Variants in EML6 observed in about 807,000 individuals in gnomAD.
The protein encoded by EML6 is EMAP like 6.
In EML6, 154 loss-of-function variants were observed where a neutral mutation model predicts 240.1. The observed-to-expected ratio is 0.64, with a 90% CI of 0.56 to 0.73. The LOEUF (loss-of-function observed/expected upper bound fraction) is 0.73, where lower values mean the gene tolerates loss of function less well. EML6 is among the 30% of genes least tolerant of loss of function. EML6 has a pLI of 0.00. For synonymous variants in EML6, 1,148 were observed against 899.0 expected (o/e 1.28, Z -4.95); for missense variants, 2,964 against 2,474.6 (o/e 1.20, Z -4.20).
Position 54,916,917 on chromosome 2 carries a change from T to G in EML6, c.3657T>G (p.Leu1219=). The change falls in exon 26 of 42, where the codon CTT becomes CTG. Residue 1219 remains leucine, a synonymous_variant. Coordinates refer to ENST00000356458, the MANE Select transcript of EML6 (RefSeq NM_001039753.4). ...GAGATGATTTTGGTTTCGTTAAGCT[T>G]TTTTCATATCCTGTCAAGGTAATAT... is the stretch of plus-strand genomic sequence containing the variant. ...ATGDDFGFVK[L]FSYPVKGQHA... 1 of 1,545,312 alleles carries G rather than the reference T, an allele frequency of 6.5e-7. No homozygotes were observed. The highest frequency in any genetic ancestry group is 8.8e-7 in the Non-Finnish European group (1 of 1,141,484).
chr2:54,863,138 G>C (rs932838698), intron 12 of EML6, among the ~76,000 whole-genome samples: 1 of 152,188 alleles, frequency 6.6e-6, no homozygotes, highest in Non-Finnish European at 1.5e-5. Context: ...TTCTGTGGTG[G>C]TTTGGGCCAT....
chr2:54,828,839 G>A (rs1254485065), intron 6 of EML6, among the ~76,000 whole-genome samples: 1 of 152,170 alleles, frequency 6.6e-6, no homozygotes, highest in Non-Finnish European at 1.5e-5. Flanking sequence ...TGCTTAACAA[G>A]CGAACACAAG....
intron 2 of EML6, among the ~76,000 whole-genome samples, chr2:54,812,504 A>G (rs745478483): frequency 1.1e-4 from 15 of 140,342 alleles, no homozygotes; most frequent in Admixed American, 5.3e-4. Context: ...CCTATACACA[A>G]TGAATTTAAA....
chr2:54,855,954 G>T (rs73938633), intron 11 of EML6, among the ~76,000 whole-genome samples: 5,953 of 152,222 alleles, frequency 0.039, 404 homozygotes, highest in African/African-American at 0.13. Flanking sequence ...GATATGGGCA[G>T]GTGCTGATGA....
chr2:54,863,693 G>A lies in EML6; in HGVS notation c.1826-90G>A, dbSNP rs569517530. ...CTATGGTATAGTTTTTATTTACTTT[G>A]CTAGGATAAAAGGAAAAATATTTTA... On this transcript the variant is annotated intron_variant, in intron 12 of 41. Coordinates refer to ENST00000356458, the MANE Select transcript of EML6 (RefSeq NM_001039753.4). The A allele has an allele frequency of 1.7e-5, 12 of 693,928 alleles. No homozygotes were observed. The African/African-American group carries it at 2.2e-4, about 13-fold the overall frequency. 43.0% of individuals were successfully genotyped at this position (693,928 alleles called of 1,614,324 possible). A position where few individuals can be genotyped will look rare whatever the true frequency, so the allele number is the denominator to read the frequency against.
chr2:54,762,619 T>A (rs1668026067), intron 2 of EML6, among the ~76,000 whole-genome samples: 1 of 152,330 alleles, frequency 6.6e-6, no homozygotes, highest in South Asian at 2.1e-4. Context: ...TCTGCTATAA[T>A]AAAGTGCTTC....
chr2:54,778,972 A>T (rs944212968), intron 2 of EML6, among the ~76,000 whole-genome samples: 1 of 152,032 alleles, frequency 6.6e-6, no homozygotes, highest in Non-Finnish European at 1.5e-5. Context: ...CTTTCCTTAC[A>T]CTCTTTACAA....
chr2:54,865,710 T>A (rs1446279425), intron 13 of EML6, among the ~76,000 whole-genome samples: 2 of 152,210 alleles, frequency 1.3e-5, no homozygotes, highest in African/African-American at 4.8e-5. Flanking sequence ...TCCAAAACAT[T>A]TCTGATCCCA....
intron 26 of EML6, among the ~76,000 whole-genome samples, chr2:54,917,358 G>GTTTTTTTTTTTTTTTTTTTTTTTTT (rs147785699): frequency 8.1e-6 from 1 of 123,820 alleles, no homozygotes; most frequent in Non-Finnish European, 1.6e-5. Context: ...TTTTTTTTTT[G>GTTTTTTTTTTTTTTTTTTTTTTTTT]TTTTTTTTTT....
chr2:54,810,834 C>T (rs1667804885), intron 2 of EML6, among the ~76,000 whole-genome samples: 1 of 152,132 alleles, frequency 6.6e-6, no homozygotes, highest in South Asian at 2.1e-4. Flanking sequence ...TTCTTCCTAG[C>T]CTTTAGGACT....
chr2:54,867,004 C>T (rs911985405), intron 14 of EML6, 120 bp downstream of exon 14: 1 of 594,516 alleles, frequency 1.7e-6, no homozygotes, highest in Non-Finnish European at 3.1e-6. Flanking sequence ...CTGGCTAGCT[C>T]TTCTCTGCAA....
chr2:54,861,596 A>G (rs549044480), intron 12 of EML6, among the ~76,000 whole-genome samples: 1 of 152,184 alleles, frequency 6.6e-6, no homozygotes, highest in South Asian at 2.1e-4. Flanking sequence ...CCCCCTTTAC[A>G]GTCTTGCGGT....
At chr2:54,909,273 A>G (rs1229765382) in intron 24 of EML6, among the ~76,000 whole-genome samples, 1 of 152,252 alleles carries the variant, frequency 6.6e-6, no homozygotes, top group Non-Finnish European at 1.5e-5. Flanking sequence ...TATTTAGTTC[A>G]TCGGAAAAGT....
chr2:54,871,031 G>A (rs1442424878), intron 15 of EML6, among the ~76,000 whole-genome samples: 1 of 152,186 alleles, frequency 6.6e-6, no homozygotes, highest in African/African-American at 2.4e-5. Flanking sequence ...AGATAGTTAT[G>A]CCATGAAAAT....
chr2:54,863,641 G>A, intron 12 of EML6, 142 bp from the exon 13 acceptor site: 1 of 639,384 alleles, frequency 1.6e-6, no homozygotes, highest in South Asian at 1.9e-5. Flanking sequence ...AAAGAAAGAT[G>A]TTTTAACAAT....
chr2:54,796,440 G>A (rs1669777224), intron 2 of EML6, among the ~76,000 whole-genome samples: 1 of 151,938 alleles, frequency 6.6e-6, no homozygotes. Context: ...TATAACCTGT[G>A]CATTTTTTTT....
chr2:54,960,229 A>C lies in EML6; in HGVS notation c.4863A>C (p.Glu1621Asp), dbSNP rs1360947122. The change falls in exon 35 of 42, where the codon GAA (glutamate) becomes GAC (aspartate). Residue 1621 changes from glutamate to aspartate, a missense_variant. Glu to Asp is a conservative substitution (Grantham distance 45). Coordinates refer to ENST00000356458, the MANE Select transcript of EML6 (RefSeq NM_001039753.4). Reference protein sequence around the residue: ...VTGGKERPTKEGGAVKLWDQE... With the variant: ...VTGGKERPTKDGGAVKLWDQE... The stretch of plus-strand genomic sequence containing the variant: ...TTTCAATCTTTTTTAGGACCAAAGA[A>C]GGAGGTGCTGTAAAATTGTGGGACC... 1.3e-6 allele frequency: 2 copies of C among 1,551,052 alleles called. No individual in the cohort carries two copies. The highest frequency in any genetic ancestry group is 2.0e-5 in the Admixed American group (1 of 50,996).
intron 28 of EML6, among the ~76,000 whole-genome samples, chr2:54,931,649 A>G (rs538878600): frequency 6.6e-6 from 1 of 152,260 alleles, no homozygotes; most frequent in Admixed American, 6.5e-5. Context: ...ACCTGCAGAT[A>G]ATTCTGTATA....
intron 2 of EML6, among the ~76,000 whole-genome samples, chr2:54,779,865 G>GAAAAAAAAAAA (rs3036161): frequency 1.8e-5 from 2 of 113,150 alleles, no homozygotes; most frequent in African/African-American, 3.0e-5. Context: ...CAAAAAAAAA[G>GAAAAAAAAAAA]AAAAAAAAAA....
Sources: allele counts gnomAD v4.1 joint callset (sites outside exome capture counted in the v4.1 genomes callset), GRCh38; gene constraint gnomAD v4.1.1; transcripts MANE v1.5; gene names NCBI Gene and HGNC (gene_info 2026-07-23, HGNC 2026-07-21).